Variants in LIPH observed in about 807,000 individuals in gnomAD.
The protein encoded by LIPH is lipase H.
Under a neutral mutation model 47.6 loss-of-function variants are expected in LIPH, and 32 were observed. The ratio of observed to expected loss-of-function variants is 0.67; its 90% confidence interval spans 0.51 to 0.90. The LOEUF is 0.90. Ranked by LOEUF, LIPH falls within the 40% of genes least tolerant of loss-of-function variation. The pLI, the probability that LIPH is intolerant of heterozygous loss-of-function variation, is 0.00. For missense variants in LIPH, 497 were observed against 541.4 expected, an observed-to-expected ratio of 0.92 and a Z score of 0.81; for synonymous variants, 190 against 195.6, an observed-to-expected ratio of 0.97 and a Z score of 0.24.
intron 1 of LIPH, among the ~76,000 whole-genome samples, chr3:185,537,640 T>C (rs1225448861): frequency 6.6e-6 from 1 of 152,144 alleles, no homozygotes; most frequent in Non-Finnish European, 1.5e-5. Context: ...GGCTGGGTTT[T>C]GTTCCTGGTT....
chr3:185,525,215 A>G (rs1182780199), intron 4 of LIPH, among the ~76,000 whole-genome samples: 1 of 152,078 alleles, frequency 6.6e-6, no homozygotes, highest in Admixed American at 6.6e-5. Context: ...CTGTCTTAAA[A>G]AATAATAATA....
chr3:185,520,188 A>G (rs767514804), intron 5 of LIPH, among the ~76,000 whole-genome samples: 2 of 152,144 alleles, frequency 1.3e-5, no homozygotes, highest in Non-Finnish European at 2.9e-5. Flanking sequence ...TCCCCAGGTC[A>G]TGGAGAATCA....
chr3:185,549,638 A>G (rs139266312), intron 1 of LIPH, among the ~76,000 whole-genome samples: 1 of 152,320 alleles, frequency 6.6e-6, no homozygotes, highest in East Asian at 1.9e-4. Flanking sequence ...TTAAAAATGC[A>G]GATTCTAGGC....
intron 9 of LIPH, among the ~76,000 whole-genome samples, chr3:185,509,946 CTTT>C (rs66966684): frequency 2.1e-4 from 25 of 118,432 alleles, no homozygotes; most frequent in East Asian, 2.5e-4. Context: ...TTTTTGTTTT[CTTT>C]TTTTTTTTTT....
intron 3 of LIPH, among the ~76,000 whole-genome samples, chr3:185,529,195 A>AAG (rs1319083199): frequency 4.7e-5 from 7 of 148,290 alleles, no homozygotes; most frequent in South Asian, 2.1e-4. Context: ...AAAAAAAAGA[A>AAG]AAAAAGAAAA....
chr3:185,511,513 C>G lies in LIPH; in HGVS notation c.1268+11G>C. ...AAAACAGCGTTTTGTCAAACCGTAC[C>G]CTCAGCTCACCTCTCCGGATGGGCA... On this transcript the variant is annotated intron_variant, in intron 9 of 9. Coordinates refer to ENST00000296252, the MANE Select transcript of LIPH (RefSeq NM_139248.3). The G allele has an allele frequency of 1.2e-6, 2 of 1,613,976 alleles. No homozygotes were observed. Among genetic ancestry groups the G allele is most frequent in the Non-Finnish European group, 8.5e-7 (1 of 1,179,868 alleles).
rs1337995104 is a variant in LIPH at position 185,526,562 on chromosome 3, GATAAA to G, written c.628+917_628+921del. 6.9e-3 allele frequency among the ~76,000 whole-genome samples: 729 copies of G among 106,316 alleles called. 3 individuals are homozygous for G. The highest frequency in any genetic ancestry group is 0.018 in the South Asian group (60 of 3,280). The allele number at this position is 106,316 out of a possible 152,430, so 69.7% of individuals were successfully genotyped here. A position where few individuals can be genotyped will look rare whatever the true frequency, so the allele number is the denominator to read the frequency against. ...AATAAAATAAAATAAGATAAGATAA[GATAAA>G]ATAAAATAAAAATAAGATAAAATAA... On this transcript the variant is annotated intron_variant, in intron 4 of 9. Coordinates refer to ENST00000296252, the MANE Select transcript of LIPH (RefSeq NM_139248.3).
At chr3:185,527,716 G>A (rs1720155568) in intron 3 of LIPH, 131 bp from the exon 4 acceptor site, 1 of 690,374 alleles carries the variant, frequency 1.4e-6, no homozygotes, top group African/African-American at 1.9e-5. Context: ...TCACACTCCC[G>A]TCCCACTTGG....
chr3:185,524,326 G>A (rs939934569), intron 4 of LIPH, among the ~76,000 whole-genome samples, 166 bp from the exon 5 acceptor site: 1 of 152,216 alleles, frequency 6.6e-6, no homozygotes, highest in Admixed American at 6.5e-5. Context: ...TTAGTTAGAA[G>A]GCAATGATTT....
chr3:185,549,419 T>C (rs79302786), intron 1 of LIPH, among the ~76,000 whole-genome samples: 10 of 152,330 alleles, frequency 6.6e-5, no homozygotes, highest in African/African-American at 1.7e-4. Flanking sequence ...TTCTAGAGGA[T>C]TGCAAATATC....
At chr3:185,535,542 A>T (rs917176874) in intron 1 of LIPH, among the ~76,000 whole-genome samples, 2 of 151,164 alleles carry the variant, frequency 1.3e-5, no homozygotes, top group African/African-American at 4.9e-5. Context: ...GGCCTCCCAA[A>T]GTGGTAGGAT....
intron 1 of LIPH, among the ~76,000 whole-genome samples, chr3:185,540,337 G>A (rs547656656): frequency 9.9e-5 from 15 of 152,144 alleles, no homozygotes; most frequent in African/African-American, 3.6e-4. Flanking sequence ...TTTATCAGGG[G>A]TTCTTTTGTA....
In LIPH at chr3:185,548,012, T is replaced by C. The variant is rs117312433; in HGVS notation, c.49+4411A>G. On this transcript the variant is annotated intron_variant, in intron 1 of 9. Coordinates refer to ENST00000296252, the MANE Select transcript of LIPH (RefSeq NM_139248.3). ...AGTAACCTATGCTTGAGCACACTCT[T>C]ATGCTTGCCTGAAGACACTGTTCTG... Among the ~76,000 whole-genome samples, 92 of 152,298 alleles carry C rather than the reference T, an allele frequency of 6.0e-4. 1 individual carries two copies. The East Asian group carries it at 0.015, about 26-fold the overall frequency.
intron 4 of LIPH, among the ~76,000 whole-genome samples, chr3:185,524,488 C>T (rs1181230786): frequency 1.4e-5 from 2 of 144,640 alleles, no homozygotes; most frequent in African/African-American, 5.2e-5. Flanking sequence ...CTTGCTCTGT[C>T]GTCCAGGCTG....
chr3:185,508,906 A>G, intron 9 of LIPH, 29 bp from the exon 10 acceptor site: 2 of 1,333,912 alleles, frequency 1.5e-6, no homozygotes, highest in Non-Finnish European at 2.2e-6. Flanking sequence ...ATATCCTTGT[A>G]AATGAATTTA....
Position 185,552,505 on chromosome 3 carries a change from A to T in LIPH, c.-34T>A, listed in dbSNP as rs201793169. On this transcript the variant is annotated 5_prime_UTR_variant, in exon 1 of 10. Coordinates refer to ENST00000296252, the MANE Select transcript of LIPH (RefSeq NM_139248.3). ...TGGAGAGATCGTGTGTCACATTCAC[A>T]AGAATGATTTACTTCGCAGAGGCTT... 1.7e-4 allele frequency: 256 copies of T among 1,474,662 alleles called. 1 individual carries two copies. Among genetic ancestry groups the T allele is most frequent in the Middle Eastern group, 5.2e-4 (3 of 5,792 alleles). 91.3% of individuals were successfully genotyped at this position (1,474,662 alleles called of 1,614,324 possible). A position where few individuals can be genotyped will look rare whatever the true frequency, so the allele number is the denominator to read the frequency against.
At chr3:185,550,283 A>G (rs1414781526) in intron 1 of LIPH, among the ~76,000 whole-genome samples, 1 of 152,186 alleles carries the variant, frequency 6.6e-6, no homozygotes, top group Non-Finnish European at 1.5e-5. Flanking sequence ...TTACAGCTAT[A>G]CTATTTTTTT....
At chr3:185,550,741 G>A (rs974985029) in intron 1 of LIPH, among the ~76,000 whole-genome samples, 15 of 151,112 alleles carry the variant, frequency 9.9e-5, no homozygotes, top group Admixed American at 4.6e-4. Flanking sequence ...GGCTAATTTT[G>A]TATTTTCAGT....
chr3:185,510,916 T>G (rs1719542229), intron 9 of LIPH, among the ~76,000 whole-genome samples: 1 of 152,206 alleles, frequency 6.6e-6, no homozygotes, highest in Non-Finnish European at 1.5e-5. Context: ...AGTGTGGTAG[T>G]TAGGGAAGAA....
Sources: allele counts gnomAD v4.1 joint callset (sites outside exome capture counted in the v4.1 genomes callset), GRCh38; gene constraint gnomAD v4.1.1; transcripts MANE v1.5; gene names NCBI Gene and HGNC (gene_info 2026-07-23, HGNC 2026-07-21).